NRXN3: variants seen among roughly 807,000 people sequenced by gnomAD.
NRXN3 encodes neurexin 3, also known as neurexin III.
Under a neutral mutation model 137.6 loss-of-function variants are expected in NRXN3, and 32 were observed. The observed-to-expected ratio is 0.23, with a 90% CI of 0.18 to 0.31. The LOEUF is 0.31. Ranked by LOEUF, NRXN3 falls within the 10% of genes least tolerant of loss-of-function variation. NRXN3 has a pLI of 1.00. For missense variants in NRXN3, 1,574 were observed against 2,062.5 expected (o/e 0.76, Z 4.59); for synonymous variants, 798 against 784.5 (o/e 1.02, Z -0.29).
intron 4 of NRXN3, among the ~76,000 whole-genome samples, chr14:78,466,657 A>T (rs1219061615): frequency 6.6e-6 from 1 of 152,174 alleles, no homozygotes; most frequent in Admixed American, 6.5e-5. Context: ...CTTGACCTGT[A>T]TTTTCAGATG....
intron 19 of NRXN3, among the ~76,000 whole-genome samples, chr14:79,713,041 G>C (rs1205200882): frequency 6.6e-6 from 1 of 151,838 alleles, no homozygotes; most frequent in Non-Finnish European, 1.5e-5. Context: ...GGAAGGACTT[G>C]TATCTTGGAA....
chr14:79,241,184 G>A (rs112752948), intron 15 of NRXN3, among the ~76,000 whole-genome samples: 226 of 152,254 alleles, frequency 1.5e-3, no homozygotes, highest in African/African-American at 5.0e-3. Context: ...GATAGGACAA[G>A]ATGAAAAATA....
intron 2 of NRXN3, among the ~76,000 whole-genome samples, chr14:78,252,636 G>A (rs1184825044): frequency 6.6e-6 from 1 of 152,122 alleles, no homozygotes; most frequent in African/African-American, 2.4e-5. Context: ...CTTAGAAGAC[G>A]GAGTCCCAAC....
chr14:79,393,517 A>G (rs1282533486), intron 15 of NRXN3, among the ~76,000 whole-genome samples: 2 of 152,232 alleles, frequency 1.3e-5, no homozygotes, highest in Admixed American at 6.5e-5. Context: ...GACTATTAAG[A>G]GGTAAAGAGG....
Position 78,867,469 on chromosome 14 carries a change from G to C in NRXN3, c.2275+57125G>C, listed in dbSNP as rs1180127474. On this transcript the variant is annotated intron_variant, in intron 10 of 20. Transcript: ENST00000335750. ...CAATTGTTTAATTTTAATTTTCAGT[G>C]CTAGGTAATGGAGCTCAGAACACAC... Among the ~76,000 whole-genome samples, 6 of 152,142 alleles carry C rather than the reference G, an allele frequency of 3.9e-5. No homozygotes were observed. In the East Asian group the frequency reaches 1.2e-3, roughly 29 times the overall value.
chr14:79,511,712 G>T (rs774033046), intron 16 of NRXN3, among the ~76,000 whole-genome samples: 1 of 152,064 alleles, frequency 6.6e-6, no homozygotes, highest in African/African-American at 2.4e-5. Context: ...TATATTTGAG[G>T]ACTATGGTTT....
intron 4 of NRXN3, among the ~76,000 whole-genome samples, chr14:78,403,512 C>T (rs2092261548): frequency 6.6e-6 from 1 of 152,092 alleles, no homozygotes; most frequent in Admixed American, 6.5e-5. Context: ...AAATAAATCC[C>T]CTGGGAGAGG....
intron 15 of NRXN3, among the ~76,000 whole-genome samples, chr14:79,142,795 A>G (rs1458084698): frequency 6.6e-6 from 1 of 152,162 alleles, no homozygotes; most frequent in Non-Finnish European, 1.5e-5. Flanking sequence ...AGAAGTGGCC[A>G]TGGAGGTGGG....
intron 8 of NRXN3, among the ~76,000 whole-genome samples, chr14:78,778,925 A>T (rs2098758323): frequency 6.6e-6 from 1 of 151,742 alleles, no homozygotes; most frequent in Non-Finnish European, 1.5e-5. Context: ...TGTGCCTGTC[A>T]TATTTATTTT....
chr14:79,400,308 T>A (rs2167152), intron 15 of NRXN3, among the ~76,000 whole-genome samples: 1,525 of 151,940 alleles, frequency 0.01, 21 homozygotes, highest in African/African-American at 0.036. Context: ...TACGTAGGCA[T>A]AGGTCCGACC....
chr14:79,717,275 T>C (rs1239325171), intron 19 of NRXN3, among the ~76,000 whole-genome samples: 1 of 152,238 alleles, frequency 6.6e-6, no homozygotes, highest in African/African-American at 2.4e-5. Flanking sequence ...ACTTCCATGC[T>C]GACTCCAAAA....
intron 4 of NRXN3, among the ~76,000 whole-genome samples, chr14:78,595,082 G>A (rs1216000772): frequency 6.6e-6 from 1 of 152,190 alleles, no homozygotes; most frequent in Admixed American, 6.5e-5. Context: ...AAAAGCAAGA[G>A]AGCTAAGAAG....
At chr14:78,195,812 C>T (rs2061175927) in intron 1 of NRXN3, among the ~76,000 whole-genome samples, 1 of 152,228 alleles carries the variant, frequency 6.6e-6, no homozygotes, top group African/African-American at 2.4e-5. Flanking sequence ...GGTTTTTCTA[C>T]TATAACCTGT....
intron 16 of NRXN3, among the ~76,000 whole-genome samples, chr14:79,650,836 A>C (rs1177471980): frequency 6.6e-6 from 1 of 152,178 alleles, no homozygotes; most frequent in Admixed American, 6.5e-5. Context: ...AGTCTAGTGC[A>C]AACTGAAATG....
chr14:79,708,950 T>C (rs565421567), intron 19 of NRXN3, among the ~76,000 whole-genome samples: 111 of 152,188 alleles, frequency 7.3e-4, no homozygotes, highest in African/African-American at 2.6e-3. Context: ...CTCTTATATC[T>C]CTGGCCCCAT....
At chr14:78,978,735 T>C (rs1463964593) in intron 14 of NRXN3, among the ~76,000 whole-genome samples, 1 of 147,926 alleles carries the variant, frequency 6.8e-6, no homozygotes, top group Non-Finnish European at 1.5e-5. Context: ...AAATATATAT[T>C]ATTTAGATAT....
chr14:78,570,430 T>G (rs2096878753), intron 4 of NRXN3, among the ~76,000 whole-genome samples: 2 of 152,232 alleles, frequency 1.3e-5, no homozygotes, highest in Admixed American at 6.5e-5. Flanking sequence ...GAAGCCCAGA[T>G]GGAGTAAGCC....
rs533689815 is a variant in NRXN3 at position 78,998,854 on chromosome 14, T to G, written c.3262+10713T>G. The stretch of plus-strand genomic sequence containing the variant: ...CCTGTCCTGAAGTGATCCTCCCACC[T>G]CTGCCTCCCAAAGTGCTGGGATTAC... On this transcript the variant is annotated intron_variant, in intron 15 of 20. Coordinates refer to ENST00000335750, the MANE Select transcript of NRXN3 (RefSeq NM_001330195.2). Among the ~76,000 whole-genome samples, 27 of 146,798 alleles carry G rather than the reference T, an allele frequency of 1.8e-4. No homozygotes were observed. In the South Asian group the frequency reaches 3.9e-3, roughly 21 times the overall value.
At chr14:78,262,642 C>T (rs889658680) in intron 2 of NRXN3, among the ~76,000 whole-genome samples, 1 of 152,132 alleles carries the variant, frequency 6.6e-6, no homozygotes, top group African/African-American at 2.4e-5. Flanking sequence ...GTCCTCCCAC[C>T]TGCCACAGTT....
Sources: allele counts gnomAD v4.1 joint callset (sites outside exome capture counted in the v4.1 genomes callset), GRCh38; gene constraint gnomAD v4.1.1; transcripts MANE v1.5; gene names NCBI Gene and HGNC (gene_info 2026-07-23, HGNC 2026-07-21).